The following MACROD2 variants were observed in gnomAD, a reference collection of about 807,000 sequenced individuals.
MACROD2 encodes mono-ADP ribosylhydrolase 2, also known as ADP-ribose glycohydrolase MACROD2.
Under a neutral mutation model 70.4 loss-of-function variants are expected in MACROD2, and 36 were observed. The observed-to-expected ratio is 0.51, with a 90% CI of 0.39 to 0.68. The LOEUF is 0.68. Ranked by LOEUF, MACROD2 falls within the 30% of genes least tolerant of loss-of-function variation. The pLI is 0.00. For synonymous variants in MACROD2, 172 were observed against 178.8 expected (o/e 0.96, Z 0.30); for missense variants, 496 against 538.4 (o/e 0.92, Z 0.78).
chr20:14,591,853 A>G (rs1289835734), intron 4 of MACROD2, among the ~76,000 whole-genome samples: 1 of 152,248 alleles, frequency 6.6e-6, no homozygotes, highest in Non-Finnish European at 1.5e-5. Context: ...CTGGAAAAAT[A>G]TAAAAATATG....
intron 8 of MACROD2, among the ~76,000 whole-genome samples, chr20:15,845,879 A>G (rs2064225311): frequency 6.6e-6 from 1 of 152,194 alleles, no homozygotes; most frequent in African/African-American, 2.4e-5. Context: ...GGAAGTGGCC[A>G]ATCCCACACA....
chr20:14,078,644 G>C (rs1303790848), intron 2 of MACROD2, among the ~76,000 whole-genome samples: 8 of 152,054 alleles, frequency 5.3e-5, no homozygotes, highest in Non-Finnish European at 1.0e-4. Context: ...CTGACGTCAG[G>C]TGATCCGCCC....
chr20:14,685,852 T>C (rs1600539119), intron 5 of MACROD2, among the ~76,000 whole-genome samples: 1 of 152,332 alleles, frequency 6.6e-6, no homozygotes, highest in East Asian at 1.9e-4. Flanking sequence ...GGAGAAAATA[T>C]GAATGAAAAT....
rs140630254 is a variant in MACROD2, at chr20:14,855,008, T to A, written c.418+170049T>A. Reference sequence around the variant, plus strand: ...TCCAGCCTGGGCGACAGAATGAGACTCCGTCTCAAAAAAAAAGACAAATGT... The same window carrying A: ...TCCAGCCTGGGCGACAGAATGAGACACCGTCTCAAAAAAAAAGACAAATGT... On this transcript the variant is annotated intron_variant, in intron 5 of 17. Coordinates refer to ENST00000684519, the MANE Select transcript of MACROD2 (RefSeq NM_001351661.2). Among the ~76,000 whole-genome samples, 314 of 151,978 alleles carry A rather than the reference T, an allele frequency of 2.1e-3. 1 individual carries two copies. Among genetic ancestry groups the A allele is most frequent in the African/African-American group, 7.3e-3 (303 of 41,482 alleles).
chr20:14,413,259 A>C (rs36062805), intron 3 of MACROD2, among the ~76,000 whole-genome samples: 22,566 of 149,116 alleles, frequency 0.15, 2,410 homozygotes, highest in Non-Finnish European at 0.23. Context: ...TAAATATAAA[A>C]TTATATATCT....
At chr20:15,641,501 A>T (rs938261592) in intron 8 of MACROD2, among the ~76,000 whole-genome samples, 1 of 152,192 alleles carries the variant, frequency 6.6e-6, no homozygotes, top group African/African-American at 2.4e-5. Flanking sequence ...GTCTTTCATC[A>T]TCACCCAGAG....
chr20:14,787,810 C>T (rs908418453), intron 5 of MACROD2, among the ~76,000 whole-genome samples: 24 of 152,136 alleles, frequency 1.6e-4, no homozygotes, highest in African/African-American at 5.3e-4. Context: ...TGATCTTGTT[C>T]GGACTATACC....
chr20:14,572,766 T>C (rs1980282725), intron 4 of MACROD2, among the ~76,000 whole-genome samples: 1 of 151,970 alleles, frequency 6.6e-6, no homozygotes, highest in African/African-American at 2.4e-5. Flanking sequence ...GTTTTGATGC[T>C]GGTTAGAATG....
chr20:14,979,651 A>G (rs931445250), intron 5 of MACROD2, among the ~76,000 whole-genome samples: 1 of 152,242 alleles, frequency 6.6e-6, no homozygotes, highest in Admixed American at 6.5e-5. Flanking sequence ...TCAATGTTTG[A>G]TCACAAGTTT....
At chr20:15,384,718 A>G (rs2045689865) in intron 6 of MACROD2, among the ~76,000 whole-genome samples, 1 of 152,178 alleles carries the variant, frequency 6.6e-6, no homozygotes, top group African/African-American at 2.4e-5. Context: ...AATAATAACC[A>G]GTACATTTTT....
chr20:14,090,296 C>T (rs183502203), intron 3 of MACROD2, among the ~76,000 whole-genome samples: 6 of 151,194 alleles, frequency 4.0e-5, no homozygotes, highest in African/African-American at 9.7e-5. Flanking sequence ...TCATGCTGGC[C>T]GGGCACGGTA....
intron 3 of MACROD2, among the ~76,000 whole-genome samples, chr20:14,483,098 G>A (rs1053678847): frequency 2.6e-5 from 4 of 152,106 alleles, no homozygotes; most frequent in African/African-American, 7.2e-5. Flanking sequence ...GTTAGGATTC[G>A]GGGTATAAAT....
intron 3 of MACROD2, among the ~76,000 whole-genome samples, chr20:14,155,258 T>C (rs967625210): frequency 9.2e-5 from 14 of 152,228 alleles, no homozygotes; most frequent in African/African-American, 3.4e-4. Context: ...TATTTGAAAT[T>C]GTAATCATAA....
intron 4 of MACROD2, among the ~76,000 whole-genome samples, chr20:14,528,972 C>T (rs1341366851): frequency 6.6e-6 from 1 of 152,138 alleles, no homozygotes; most frequent in Non-Finnish European, 1.5e-5. Context: ...CCTCCCATGC[C>T]TTTATCCCTA....
chr20:14,378,367 A>G (rs1272142940), intron 3 of MACROD2, among the ~76,000 whole-genome samples: 1 of 152,086 alleles, frequency 6.6e-6, no homozygotes, highest in East Asian at 1.9e-4. Context: ...GCACTGCCTC[A>G]CTTAAAACTC....
chr20:15,311,040 A>G (rs1262684556), intron 6 of MACROD2, among the ~76,000 whole-genome samples: 2 of 152,220 alleles, frequency 1.3e-5, no homozygotes, highest in Non-Finnish European at 2.9e-5. Flanking sequence ...GAAAGGGGAT[A>G]ATAGAATAGG....
At chr20:14,868,389 C>A (rs1310874669) in intron 5 of MACROD2, among the ~76,000 whole-genome samples, 1 of 151,784 alleles carries the variant, frequency 6.6e-6, no homozygotes, top group African/African-American at 2.4e-5. Context: ...GAATCTCAAA[C>A]TCTGGAGCTC....
intron 15 of MACROD2, among the ~76,000 whole-genome samples, chr20:16,024,098 G>A (rs2067042980): frequency 6.6e-6 from 1 of 152,164 alleles, no homozygotes; most frequent in Non-Finnish European, 1.5e-5. Context: ...CTTAATTGCG[G>A]CATTGATTAA....
chr20:15,950,852 T>C (rs576717569), intron 12 of MACROD2, among the ~76,000 whole-genome samples: 645 of 152,290 alleles, frequency 4.2e-3, no homozygotes, highest in Non-Finnish European at 7.4e-3. Context: ...CTAACATGAA[T>C]TGAAATGCTC....
Sources: allele counts gnomAD v4.1 joint callset (sites outside exome capture counted in the v4.1 genomes callset), GRCh38; gene constraint gnomAD v4.1.1; transcripts MANE v1.5; gene names NCBI Gene and HGNC (gene_info 2026-07-23, HGNC 2026-07-21).